The following HEPH variants were observed in gnomAD, a reference collection of about 807,000 sequenced individuals.
The protein encoded by HEPH is hephaestin.
HEPH carries 69 observed loss-of-function variants against 80.8 expected under a neutral mutation model. That is an observed-to-expected ratio of 0.85 (90% CI 0.70 to 1.04). The LOEUF is 1.04. Among genes scored for constraint, HEPH ranks in the 50% least tolerant of loss-of-function variants. The probability of loss-of-function intolerance (pLI) is 0.00; values close to 1 mark genes in which losing one functional copy is unlikely to be tolerated. For missense variants in HEPH, 1,115 were observed against 891.3 expected (o/e 1.25, Z -3.20); for synonymous variants, 431 against 322.8 (o/e 1.34, Z -3.60).
intron 15 of HEPH, among the ~76,000 whole-genome samples, chrX:66,235,980 G>C (rs934386587): frequency 8.0e-5 from 9 of 112,166 alleles, no homozygotes; most frequent in African/African-American, 2.9e-4. Context: ...CTTTGCTGAA[G>C]TTGCTTATCA....
At chrX:66,238,680 T>G (rs1265750356) in intron 15 of HEPH, among the ~76,000 whole-genome samples, 2 of 111,827 alleles carry the variant, frequency 1.8e-5, no homozygotes, top group African/African-American at 3.3e-5. Flanking sequence ...ATTTAACATT[T>G]TTTTCTTTTA....
chrX:66,258,992 A>G lies in HEPH; in HGVS notation c.3036+13A>G. 8.4e-7 allele frequency: 1 copy of G among 1,195,539 alleles called. No homozygotes were observed. Among genetic ancestry groups the G allele is most frequent in the Non-Finnish European group, 1.1e-6 (1 of 888,786 alleles). On this transcript the variant is annotated intron_variant, in intron 18 of 20. Coordinates refer to ENST00000343002, the MANE Select transcript of HEPH (RefSeq NM_001367233.3). ...CTTCCTCTATCGGGTGAGCTGGAAA[A>G]TGGGCTGAGTCCCTCAAGGATGATT...
chrX:66,180,918 A>G (rs1208925360), intron 4 of HEPH, among the ~76,000 whole-genome samples: 2 of 94,303 alleles, frequency 2.1e-5, no homozygotes, highest in East Asian at 3.5e-4. Context: ...TCATTGTTCA[A>G]TTCCCACCTA....
At chrX:66,199,777 G>A (rs1392313550) in intron 11 of HEPH, among the ~76,000 whole-genome samples, 1 of 112,106 alleles carries the variant, frequency 8.9e-6, no homozygotes, top group Admixed American at 9.5e-5. Flanking sequence ...ACGAAGATAC[G>A]ACAGGTAAGT....
At chrX:66,241,511 CAG>C (rs902434062) in intron 15 of HEPH, among the ~76,000 whole-genome samples, 1 of 111,354 alleles carries the variant, frequency 9.0e-6, no homozygotes, top group African/African-American at 3.3e-5. Flanking sequence ...AAAGGCCAAA[CAG>C]GGGTACTATA....
At chrX:66,234,017 G>A (rs965780685) in intron 15 of HEPH, among the ~76,000 whole-genome samples, 1 of 110,969 alleles carries the variant, frequency 9.0e-6, no homozygotes, top group African/African-American at 3.3e-5. Flanking sequence ...GAGGTACTAA[G>A]CCTAGTACCC....
chrX:66,253,982 T>A (rs1406568886), intron 15 of HEPH, among the ~76,000 whole-genome samples: 2 of 110,036 alleles, frequency 1.8e-5, no homozygotes, highest in African/African-American at 6.6e-5. Context: ...AGTACAGGAG[T>A]TTTTTTGGTG....
At chrX:66,267,670 C>T (rs751466816), downstream of HEPH, 3 of 111,545 alleles carry the variant, frequency 2.7e-5, no homozygotes, top group South Asian at 1.1e-3. Flanking sequence ...CAAACCTGTC[C>T]AGTGGGCCAG....
In HEPH at chrX:66,203,574, A is replaced by G. The variant is rs144370606; in HGVS notation, c.2288A>G (p.Asp763Gly). The G allele has an allele frequency of 2.8e-5, 34 of 1,205,497 alleles. No homozygotes were observed. The highest frequency in any genetic ancestry group is 3.5e-5 in the Non-Finnish European group (31 of 891,060). The change falls in exon 13 of 21, where the codon GAC becomes GGC. Residue 763 changes from aspartate to glycine, a missense_variant. Transcript: ENST00000343002. The stretch of plus-strand genomic sequence containing the variant: ...GAATGGCACAACCAGTCTGAGAAGG[A>G]CAGGTAAGGCTTCATAAATGGAGAG... ...EREWHNQSEK[D>G]SYGYIFLSNK...
At chrX:66,194,649 A>C (rs1471310503) in intron 8 of HEPH, among the ~76,000 whole-genome samples, 1 of 111,816 alleles carries the variant, frequency 8.9e-6, no homozygotes, top group Non-Finnish European at 1.9e-5. Context: ...AGGCAAGCAC[A>C]GATCTTAGAT....
At chrX:66,197,173 T>C (rs1185748537) in intron 9 of HEPH, among the ~76,000 whole-genome samples, 1 of 110,364 alleles carries the variant, frequency 9.1e-6, no homozygotes, top group African/African-American at 3.3e-5. Flanking sequence ...ATTACAGCCT[T>C]AGTGTTTTAT....
chrX:66,170,954 T>C (rs1001616079), intron 2 of HEPH, among the ~76,000 whole-genome samples: 2 of 111,532 alleles, frequency 1.8e-5, no homozygotes, highest in African/African-American at 6.5e-5. Context: ...TTTAGAGTCC[T>C]AAAGAGAATT....
intron 4 of HEPH, among the ~76,000 whole-genome samples, chrX:66,181,836 T>C (rs2087169162): frequency 1.0e-5 from 1 of 97,012 alleles, no homozygotes; most frequent in Non-Finnish European, 2.1e-5. Context: ...GTTTTAGGTC[T>C]AAAGTTTAAA....
intron 4 of HEPH, among the ~76,000 whole-genome samples, chrX:66,179,789 T>C (rs1230701677): frequency 9.0e-6 from 1 of 111,590 alleles, no homozygotes; most frequent in African/African-American, 3.3e-5. Flanking sequence ...ATGTTTAGGA[T>C]TGTAATATTT....
At chrX:66,264,663 C>T (rs980715477) in intron 20 of HEPH, among the ~76,000 whole-genome samples, 6 of 108,769 alleles carry the variant, frequency 5.5e-5, no homozygotes, top group African/African-American at 2.0e-4. Flanking sequence ...TCTTAATGAT[C>T]TGCCTAAGTA....
At chrX:66,240,319 G>C (rs1198255138) in intron 15 of HEPH, among the ~76,000 whole-genome samples, 1 of 110,814 alleles carries the variant, frequency 9.0e-6, no homozygotes, top group African/African-American at 3.3e-5. Context: ...AAAAAGAAAA[G>C]GAAGAAAATG....
chrX:66,168,445 G>T (rs1004858040), intron 1 of HEPH, among the ~76,000 whole-genome samples: 26 of 111,632 alleles, frequency 2.3e-4, no homozygotes, highest in Middle Eastern at 4.6e-3. Flanking sequence ...TGAGAAAACT[G>T]GTTCTGAGTG....
chrX:66,256,489 T>C (rs1278726227), intron 17 of HEPH, among the ~76,000 whole-genome samples, 159 bp downstream of exon 17: 2 of 112,048 alleles, frequency 1.8e-5, no homozygotes, highest in Non-Finnish European at 3.8e-5. Context: ...TTTCCTATTA[T>C]TGTACATTTA....
At chrX:66,200,028 G>A (rs1602310185) in intron 11 of HEPH, among the ~76,000 whole-genome samples, 1 of 108,307 alleles carries the variant, frequency 9.2e-6, no homozygotes, top group East Asian at 2.9e-4. Flanking sequence ...GGAGGATGAG[G>A]GCCAGAACCA....
Sources: allele counts gnomAD v4.1 joint callset (sites outside exome capture counted in the v4.1 genomes callset), GRCh38; gene constraint gnomAD v4.1.1; transcripts MANE v1.5; gene names NCBI Gene and HGNC (gene_info 2026-07-23, HGNC 2026-07-21).